C8orf74: variants seen among roughly 807,000 people sequenced by gnomAD.
The protein encoded by C8orf74 is uncharacterized protein C8orf74.
In C8orf74, 29 loss-of-function variants were observed where a neutral mutation model predicts 22.2. That is an observed-to-expected ratio of 1.31 (90% CI 0.97 to 1.78). The LOEUF is 1.78. Ranked by LOEUF, C8orf74 falls within the 40% of genes most tolerant of loss-of-function variation. The probability of loss-of-function intolerance (pLI) is 0.00; values close to 1 mark genes in which losing one functional copy is unlikely to be tolerated. For missense variants in C8orf74, 515 were observed against 369.9 expected (o/e 1.39, Z -3.22); for synonymous variants, 255 against 163.1 (o/e 1.56, Z -4.30).
chr8:10,696,233 TGAAGGG>T (rs2129058904), intron 2 of C8orf74, among the ~76,000 whole-genome samples: 1 of 150,202 alleles, frequency 6.7e-6, no homozygotes, highest in African/African-American at 2.5e-5. Flanking sequence ...GCAGGAGGAG[TGAAGGG>T]GAGAGGAGGA....
rs572922041 is a variant in C8orf74 at position 10,694,185 on chromosome 8, C to A, written c.242-3414C>A. ...TCATTATCTGCTTGTGTCTCTCCTGCAAGCAACTGAGAGCAGGGGATATGA... is the reference window on the plus strand; with the variant it reads ...TCATTATCTGCTTGTGTCTCTCCTGAAAGCAACTGAGAGCAGGGGATATGA... On this transcript the variant is annotated intron_variant, in intron 2 of 3. Coordinates refer to ENST00000304519, the MANE Select transcript of C8orf74 (RefSeq NM_001040032.2). Among the ~76,000 whole-genome samples the A allele has an allele frequency of 7.2e-5, 11 of 152,196 alleles. 1 individual carries two copies. The highest frequency in any genetic ancestry group is 2.4e-4 in the African/African-American group (10 of 41,540).
rs764372980 is a variant in C8orf74, at chr8:10,697,632, G to T, written c.275G>T (p.Gly92Val). 3 of 1,613,804 alleles carry T rather than the reference G, an allele frequency of 1.9e-6. No homozygotes were observed. Among genetic ancestry groups the T allele is most frequent in the Non-Finnish European group, 2.5e-6 (3 of 1,179,876 alleles). The stretch of plus-strand genomic sequence containing the variant: ...ATTACTGAGGCTGTGACGATCCTGG[G>T]GAACAAGCTTAGAGATTACCGGGGC... ...CSITEAVTIL[G>V]NKLRDYRGHF... The change falls in exon 3 of 4, where the codon GGG (glycine) becomes GTG (valine). Residue 92 changes from glycine (G) to valine (V), a missense_variant. By Grantham distance (109) the Gly-to-Val change is moderately radical. Transcript: ENST00000304519.
chr8:10,696,653 G>T (rs1420436802), intron 2 of C8orf74, among the ~76,000 whole-genome samples: 2 of 151,800 alleles, frequency 1.3e-5, no homozygotes, highest in African/African-American at 2.4e-5. Flanking sequence ...TTGCCATGTT[G>T]GCCAAGCTGG....
chr8:10,679,465 T>C (rs772117350), intron 2 of C8orf74, among the ~76,000 whole-genome samples: 5 of 152,180 alleles, frequency 3.3e-5, no homozygotes, highest in Non-Finnish European at 7.4e-5. Flanking sequence ...CTAACCTTGA[T>C]CTTCTCTGGT....
chr8:10,678,023 G>A (rs1199339497), intron 2 of C8orf74, among the ~76,000 whole-genome samples: 4 of 152,074 alleles, frequency 2.6e-5, no homozygotes, highest in Non-Finnish European at 5.9e-5. Flanking sequence ...TCCACCTTAC[G>A]AGTTCCTCCT....
At chr8:10,699,781 A>C (rs1799614096) in intron 3 of C8orf74, among the ~76,000 whole-genome samples, 1 of 152,250 alleles carries the variant, frequency 6.6e-6, no homozygotes, top group Non-Finnish European at 1.5e-5. Flanking sequence ...GTGGGGGCCC[A>C]GGGTATCCAG....
At chr8:10,689,744 G>A (rs1282478726) in intron 2 of C8orf74, 1 of 152,158 alleles carries the variant, frequency 6.6e-6, no homozygotes, top group Non-Finnish European at 1.5e-5. Context: ...CAATAAAGTA[G>A]GCTGAAGAAA....
chr8:10,694,957 T>A lies in C8orf74; in HGVS notation c.242-2642T>A, dbSNP rs573009137. 5.3e-5 allele frequency among the ~76,000 whole-genome samples: 8 copies of A among 150,122 alleles called. No homozygotes were observed. The South Asian group carries it at 1.5e-3, about 28-fold the overall frequency. On this transcript the variant is annotated intron_variant, in intron 2 of 3. Coordinates refer to ENST00000304519, the MANE Select transcript of C8orf74 (RefSeq NM_001040032.2). ...ATGGTTGGGTGCATAGATGGGTGGG[T>A]GGAAGGATGGACGGATGGATGGATG...
intron 2 of C8orf74, among the ~76,000 whole-genome samples, chr8:10,679,207 G>GAAC (rs1285936542): frequency 1.3e-5 from 2 of 152,254 alleles, no homozygotes; most frequent in East Asian, 3.9e-4. Context: ...TATGGCCCTG[G>GAAC]AACGGTGGTC....
In C8orf74 at chr8:10,683,667, C is replaced by A. The variant is rs114297264; in HGVS notation, c.241+8829C>A. Among the ~76,000 whole-genome samples the A allele has an allele frequency of 8.2e-3, 1,249 of 152,292 alleles. 22 individuals carry two copies. The highest frequency in any genetic ancestry group is 0.028 in the African/African-American group (1,177 of 41,542). ...AGTGCCCCAGCTGTGGCTACAGGGA[C>A]CGTCAGCTCCACGGAAATCCCCACA... On this transcript the variant is annotated intron_variant, in intron 2 of 3. Coordinates refer to ENST00000304519, the MANE Select transcript of C8orf74 (RefSeq NM_001040032.2).
chr8:10,693,148 A>G (rs1799419390), intron 2 of C8orf74, among the ~76,000 whole-genome samples: 1 of 152,112 alleles, frequency 6.6e-6, no homozygotes, highest in Admixed American at 6.5e-5. Context: ...TTGCCTGCAG[A>G]TCTCCAGCCT....
At chr8:10,690,585 G>A (rs1586045784) in intron 2 of C8orf74, among the ~76,000 whole-genome samples, 1 of 152,152 alleles carries the variant, frequency 6.6e-6, no homozygotes, top group East Asian at 1.9e-4. Context: ...CAAGATGGGG[G>A]AACCAAACTG....
Position 10,681,476 on chromosome 8 carries a change from AG to A in C8orf74, c.241+6641del. On this transcript the variant is annotated intron_variant, in intron 2 of 3. Coordinates refer to ENST00000304519, the MANE Select transcript of C8orf74 (RefSeq NM_001040032.2). ...ATCCTGGGGAGGCTCAGGAGAGGAG[AG>A]GGATGTGGGGGCCTTGAGGAGCCGC... is the stretch of plus-strand genomic sequence containing the variant. Among the ~76,000 whole-genome samples the A allele has an allele frequency of 2.0e-5, 3 of 152,144 alleles. 1 individual carries two copies. The Middle Eastern group carries it at 0.01, about 517-fold the overall frequency.
chr8:10,683,268 C>T (rs552748872), intron 2 of C8orf74, among the ~76,000 whole-genome samples: 5 of 152,338 alleles, frequency 3.3e-5, no homozygotes, highest in African/African-American at 7.2e-5. Flanking sequence ...CAGGATGGTA[C>T]GTGGCCCAGG....
chr8:10,675,910 T>A (rs947221611), intron 2 of C8orf74: 3 of 152,114 alleles, frequency 2.0e-5, no homozygotes, highest in African/African-American at 4.8e-5. Context: ...CCTGTCTGGG[T>A]CTTTTTGCTA....
At chr8:10,693,458 A>C (rs1006282006) in intron 2 of C8orf74, among the ~76,000 whole-genome samples, 3 of 152,200 alleles carry the variant, frequency 2.0e-5, no homozygotes, top group Non-Finnish European at 4.4e-5. Context: ...AATTCTTGGC[A>C]CAGGGAAAGC....
chr8:10,697,887 A>C lies in C8orf74; in HGVS notation c.530A>C (p.Gln177Pro), dbSNP rs960096132. The C allele has an allele frequency of 1.9e-6, 3 of 1,611,344 alleles. No individual in the cohort carries two copies. The highest frequency in any genetic ancestry group is 2.5e-6 in the Non-Finnish European group (3 of 1,178,468). Reference protein sequence around the residue: ...QVATLTEAEAQKRADVLLLKE... With the variant: ...QVATLTEAEAPKRADVLLLKE... ...GCCACACTGACGGAGGCCGAGGCAC[A>C]GAAGCGCGCCGACGTGCTGCTCCTG... The change falls in exon 3 of 4, where the codon CAG (glutamine) becomes CCG (proline). Residue 177 changes from glutamine to proline, a missense_variant. Physicochemically the swap from Gln to Pro is moderately conservative, Grantham distance 76. Transcript: ENST00000304519.
chr8:10,684,826 C>G (rs1182345299), intron 2 of C8orf74, among the ~76,000 whole-genome samples: 1 of 152,244 alleles, frequency 6.6e-6, no homozygotes. Flanking sequence ...TTTGGCATAT[C>G]CGAATTGCCA....
At chr8:10,674,925 C>T in intron 2 of C8orf74, 87 bp downstream of exon 2, 2 of 1,207,670 alleles carry the variant, frequency 1.7e-6, no homozygotes, top group Non-Finnish European at 2.3e-6. Flanking sequence ...ACAGCCCCAG[C>T]AGCCTTGGAG....
Sources: allele counts gnomAD v4.1 joint callset (sites outside exome capture counted in the v4.1 genomes callset), GRCh38; gene constraint gnomAD v4.1.1; transcripts MANE v1.5; gene names NCBI Gene and HGNC (gene_info 2026-07-23, HGNC 2026-07-21).